PPIP5K2: variants seen among roughly 807,000 people sequenced by gnomAD.
PPIP5K2 encodes the protein inositol hexakisphosphate and diphosphoinositol-pentakisphosphate kinase 2.
A neutral mutation model predicts 154.6 loss-of-function variants in PPIP5K2; 105 were observed. That is an observed-to-expected ratio of 0.68 (90% CI 0.58 to 0.80). PPIP5K2 has a LOEUF of 0.80. Ranked by LOEUF, PPIP5K2 falls within the 30% of genes least tolerant of loss-of-function variation. PPIP5K2 has a pLI of 0.00. For missense variants in PPIP5K2, 992 were observed against 1,504.6 expected (o/e 0.66, Z 5.64); for synonymous variants, 480 against 490.3 (o/e 0.98, Z 0.28).
At chr5:103,151,211 A>G in intron 8 of PPIP5K2, 42 bp from the exon 9 acceptor site, 1 of 1,502,256 alleles carries the variant, frequency 6.7e-7, no homozygotes. Context: ...GAATCTTAAT[A>G]ATTTAAATAA....
chr5:103,164,472 G>C (rs1416289584), intron 17 of PPIP5K2, among the ~76,000 whole-genome samples: 1 of 151,752 alleles, frequency 6.6e-6, no homozygotes, highest in Admixed American at 6.6e-5. Context: ...TTAATGTTCT[G>C]TCTTTTACAA....
chr5:103,162,737 T>C (rs1297748385), intron 17 of PPIP5K2, among the ~76,000 whole-genome samples: 6 of 152,102 alleles, frequency 3.9e-5, no homozygotes, highest in Admixed American at 3.3e-4. Context: ...TTAGGGTCAA[T>C]GCATTTTAAT....
chr5:103,195,474 A>C (rs1477024374), intron 30 of PPIP5K2, among the ~76,000 whole-genome samples: 1 of 152,040 alleles, frequency 6.6e-6, no homozygotes, highest in African/African-American at 2.4e-5. Context: ...AAAAGAAAAA[A>C]AATTTCTCTT....
intron 5 of PPIP5K2, among the ~76,000 whole-genome samples, chr5:103,140,572 G>A (rs1277803888): frequency 4.6e-5 from 7 of 152,282 alleles, no homozygotes; most frequent in African/African-American, 1.2e-4. Flanking sequence ...CCTTCAGGCC[G>A]GGCGCGGTGG....
In PPIP5K2 at chr5:103,154,722, C is replaced by A. The variant is rs372367807; in HGVS notation, c.1270C>A (p.Leu424Ile). The change falls in exon 12 of 31, where the codon CTC (leucine) becomes ATC (isoleucine). Residue 424 changes from leucine (L) to isoleucine (I), a missense_variant. Coordinates refer to ENST00000358359, the MANE Select transcript of PPIP5K2 (RefSeq NM_001276277.3). ...TGGATATAAATCAGGGAAATTAAAA[C>A]TCAAAAAACCAAAACAGTTACAGGC... is the stretch of plus-strand genomic sequence containing the variant. ...CDGYKSGKLK[L>I]KKPKQLQEVL... is the part of the protein sequence containing the mutation. The A allele has an allele frequency of 8.8e-6, 14 of 1,584,402 alleles. No homozygotes were observed. The highest frequency in any genetic ancestry group is 1.1e-5 in the Non-Finnish European group (13 of 1,163,114).
intron 5 of PPIP5K2, among the ~76,000 whole-genome samples, chr5:103,141,640 C>G (rs907802096): frequency 3.9e-5 from 6 of 152,128 alleles, no homozygotes; most frequent in South Asian, 2.1e-4. Flanking sequence ...TACAGAGTTT[C>G]GACACACAGG....
At chr5:103,184,630 A>G in intron 25 of PPIP5K2, 42 bp from the exon 26 acceptor site, 1 of 1,487,836 alleles carries the variant, frequency 6.7e-7, no homozygotes, top group Non-Finnish European at 9.4e-7. Context: ...TTATGAATTT[A>G]TTTTACTCTT....
intron 17 of PPIP5K2, among the ~76,000 whole-genome samples, chr5:103,162,387 A>G (rs1172654424): frequency 2.0e-5 from 3 of 150,556 alleles, no homozygotes; most frequent in Non-Finnish European, 3.0e-5. Context: ...TGTAGAGACA[A>G]TGTCTTGCTC....
At chr5:103,145,560 A>G (rs1016255779) in intron 5 of PPIP5K2, among the ~76,000 whole-genome samples, 3 of 152,110 alleles carry the variant, frequency 2.0e-5, no homozygotes, top group Admixed American at 6.5e-5. Context: ...ATTCAGCTAT[A>G]AAAATAATGA....
At chr5:103,189,376 G>A (rs1341516759) in intron 28 of PPIP5K2, 1 of 550,494 alleles carries the variant, frequency 1.8e-6, no homozygotes, top group East Asian at 3.1e-5. Context: ...TCATTTGCCT[G>A]TTATAAAATC....
chr5:103,179,996 A>G (rs1554222036), intron 23 of PPIP5K2, 25 bp from the exon 24 acceptor site: 2 of 1,497,886 alleles, frequency 1.3e-6, no homozygotes, highest in Non-Finnish European at 1.8e-6. Flanking sequence ...GAATAGTAAA[A>G]GTGTTTTATA....
chr5:103,191,274 C>G (rs1015758517), intron 29 of PPIP5K2, among the ~76,000 whole-genome samples: 3 of 151,832 alleles, frequency 2.0e-5, no homozygotes, highest in African/African-American at 7.3e-5. Context: ...ACTATGTTTG[C>G]TAGAAATCTC....
Position 103,201,546 on chromosome 5 carries a change from T to G in PPIP5K2, c.3644T>G (p.Val1215Gly). 1.9e-6 allele frequency: 3 copies of G among 1,607,080 alleles called. No individual in the cohort carries two copies. The highest frequency in any genetic ancestry group is 1.7e-6 in the Non-Finnish European group (2 of 1,177,552). ...GCTACAAGTGGACCTTCTAGTGCAG[T>G]TGTTCCTAATACCTCATCTCGGAAA... ...KPATSGPSSA[V>G]VPNTSSRKKN... The change falls in exon 31 of 31, where the codon GTT becomes GGT. Residue 1215 changes from valine to glycine, a missense_variant. By Grantham distance (109) the Val-to-Gly change is moderately radical. Coordinates refer to ENST00000358359, the MANE Select transcript of PPIP5K2 (RefSeq NM_001276277.3).
intron 14 of PPIP5K2, among the ~76,000 whole-genome samples, chr5:103,157,426 GCT>G (rs1795578371): frequency 6.6e-6 from 1 of 151,976 alleles, no homozygotes. Context: ...TAAATGTTAG[GCT>G]CTGTCATCTC....
At chr5:103,145,629 G>A (rs2149532401) in intron 5 of PPIP5K2, among the ~76,000 whole-genome samples, 1 of 151,988 alleles carries the variant, frequency 6.6e-6, no homozygotes, top group South Asian at 2.1e-4. Context: ...AGTGAAATAA[G>A]CCAGGCAAGA....
Position 103,209,743 on chromosome 5 carries a change from G to C in PPIP5K2, c.*8109G>C, listed in dbSNP as rs1459182667. ...ATAGAAAGCTTGATGATAAAGGTGG[G>C]TGGGTGGATGGATGGATGGATGAAT... On this transcript the variant is annotated 3_prime_UTR_variant, in exon 31 of 31. Transcript: ENST00000358359. 1.3e-5 allele frequency: 2 copies of C among 152,110 alleles called. No homozygotes were observed. Among genetic ancestry groups the C allele is most frequent in the South Asian group, 2.1e-4 (1 of 4,828 alleles). The allele number at this position is 152,110 out of a possible 1,614,324, so 9.4% of individuals were successfully genotyped here.
In PPIP5K2 at chr5:103,158,323, A is replaced by T; in HGVS notation, c.1615+10A>T. 6.2e-7 allele frequency: 1 copy of T among 1,604,430 alleles called. No individual in the cohort carries two copies. The highest frequency in any genetic ancestry group is 8.5e-7 in the Non-Finnish European group (1 of 1,177,466). On this transcript the variant is annotated intron_variant, in intron 15 of 30. Transcript: ENST00000358359. ...TATCCTGGAGGTCAAGGTAAATCTT[A>T]GAGTTTTCTTTAATTTGACTAATTT...
chr5:103,121,306 G>A (rs1319437628), intron 1 of PPIP5K2, among the ~76,000 whole-genome samples: 1 of 152,180 alleles, frequency 6.6e-6, no homozygotes, highest in Non-Finnish European at 1.5e-5. Flanking sequence ...TCTTATGTGT[G>A]CCGAGTGCTT....
rs555246705 is a variant in PPIP5K2 at position 103,212,205 on chromosome 5, C to A, written c.*10571C>A. On this transcript the variant is annotated 3_prime_UTR_variant, in exon 31 of 31. Coordinates refer to ENST00000358359, the MANE Select transcript of PPIP5K2 (RefSeq NM_001276277.3). The stretch of plus-strand genomic sequence containing the variant: ...TGGACCACAAATATAAAATCTCATG[C>A]CCTCTCATTATCTTGATAAGCCCTA... The A allele has an allele frequency of 6.6e-6, 1 of 152,292 alleles. No homozygotes were observed. Among genetic ancestry groups the A allele is most frequent in the East Asian group, 1.9e-4 (1 of 5,176 alleles). 9.4% of individuals were successfully genotyped at this position (152,292 alleles called of 1,614,324 possible).
Sources: allele counts gnomAD v4.1 joint callset (sites outside exome capture counted in the v4.1 genomes callset), GRCh38; gene constraint gnomAD v4.1.1; transcripts MANE v1.5; gene names NCBI Gene and HGNC (gene_info 2026-07-23, HGNC 2026-07-21).